GREB1: variants seen among roughly 807,000 people sequenced by gnomAD.
GREB1 encodes the protein protein GREB1.
GREB1 carries 106 observed loss-of-function variants against 200.7 expected under a neutral mutation model. That is an observed-to-expected ratio of 0.53 (90% CI 0.45 to 0.62). The LOEUF is 0.62. Ranked by LOEUF, GREB1 falls within the 20% of genes least tolerant of loss-of-function variation. GREB1 has a pLI of 0.00. For synonymous variants in GREB1, 1,132 were observed against 1,092.4 expected (o/e 1.04, Z -0.72); for missense variants, 2,243 against 2,556.8 (o/e 0.88, Z 2.65).
intron 10 of GREB1, among the ~76,000 whole-genome samples, chr2:11,590,924 G>C (rs1219476582): frequency 6.6e-6 from 1 of 152,220 alleles, no homozygotes; most frequent in Non-Finnish European, 1.5e-5. Context: ...GGAGTTGAGT[G>C]GAGGGAAGAC....
In GREB1 at chr2:11,549,239, C is replaced by CT. The variant is rs532520054; in HGVS notation, c.-161-7208dup. Among the ~76,000 whole-genome samples the CT allele has an allele frequency of 7.9e-5, 12 of 152,160 alleles. No individual in the cohort carries two copies. The South Asian group carries it at 8.3e-4, about 11-fold the overall frequency. On this transcript the variant is annotated intron_variant, in intron 1 of 32. Transcript: ENST00000381486. ...CCTCATGGATTGATCTTCCAGTTGTCTTTTTTTCCCCCATGAACCCCCAAA... is the reference window on the plus strand; with the variant it reads ...CCTCATGGATTGATCTTCCAGTTGTCTTTTTTTTCCCCCATGAACCCCCAAA...
At chr2:11,496,061 C>G (rs73917229) in intron 1 of GREB1, among the ~76,000 whole-genome samples, 2 of 152,140 alleles carry the variant, frequency 1.3e-5, no homozygotes, top group East Asian at 1.9e-4. Context: ...GAAGCTGGCT[C>G]TCCTTATCCG....
rs374687126 is a variant in GREB1 at position 11,593,023 on chromosome 2, G to A, written c.1593G>A (p.Glu531=). The A allele has an allele frequency of 3.7e-6, 6 of 1,613,300 alleles. No individual in the cohort carries two copies. The highest frequency in any genetic ancestry group is 3.4e-6 in the Non-Finnish European group (4 of 1,179,766). Residue 531 remains glutamate, a synonymous_variant, in exon 11 of 33, where the codon GAG becomes GAA. Coordinates refer to ENST00000381486, the MANE Select transcript of GREB1 (RefSeq NM_014668.4). ...CAYSLAEGLS[E]MFRLLVEGKL... ...ACTCCCTGGCCGAGGGCCTCTCCGA[G>A]ATGTTCCGGCTGTTGGTCGAGGGCA... is the stretch of plus-strand genomic sequence containing the variant.
intron 4 of GREB1, among the ~76,000 whole-genome samples, chr2:11,571,430 A>G (rs111279425): frequency 1.7e-3 from 265 of 152,294 alleles, no homozygotes; most frequent in African/African-American, 5.9e-3. Flanking sequence ...AGCCAGTCCC[A>G]TCTTGGCAGA....
At chr2:11,587,493 GC>G in intron 9 of GREB1, 1 of 1,603,168 alleles carries the variant, frequency 6.2e-7, no homozygotes, top group Non-Finnish European at 8.5e-7. Flanking sequence ...TCAGAATCAG[GC>G]CCCACTTCTG....
chr2:11,537,761 TATAA>T (rs1194775616), intron 1 of GREB1, among the ~76,000 whole-genome samples: 1 of 147,974 alleles, frequency 6.8e-6, no homozygotes, highest in Admixed American at 6.8e-5. Context: ...TTTATATATT[TATAA>T]ATAAAATATA....
upstream of GREB1, among the ~76,000 whole-genome samples, chr2:11,531,059 T>G (rs1674055756): frequency 6.6e-6 from 1 of 152,116 alleles, no homozygotes; most frequent in Admixed American, 6.5e-5. Context: ...CCTAGGTAGG[T>G]GGGCCTGTTT....
At chr2:11,484,344 A>G (rs1052280924) in intron 1 of GREB1, among the ~76,000 whole-genome samples, 10 of 152,290 alleles carry the variant, frequency 6.6e-5, no homozygotes, top group African/African-American at 2.4e-4. Flanking sequence ...TTTCATGCCA[A>G]AATCTGGTTC....
chr2:11,587,523 G>A, intron 9 of GREB1: 3 of 1,562,606 alleles, frequency 1.9e-6, no homozygotes, highest in South Asian at 2.3e-5. Context: ...GCCCTGGGTG[G>A]CACCAGCAAG....
At chr2:11,484,695 G>T (rs1464834977) in intron 1 of GREB1, among the ~76,000 whole-genome samples, 1 of 152,140 alleles carries the variant, frequency 6.6e-6, no homozygotes, top group African/African-American at 2.4e-5. Flanking sequence ...AGCTGGGAGG[G>T]TCTCTTGAGC....
At chr2:11,576,166 G>T (rs188832000) in intron 4 of GREB1, among the ~76,000 whole-genome samples, 187 bp from the exon 5 acceptor site, 7 of 152,210 alleles carry the variant, frequency 4.6e-5, no homozygotes, top group Admixed American at 2.0e-4. Flanking sequence ...AATCAGCTAG[G>T]CACGGTGGCA....
chr2:11,536,136 C>G (rs1321354294), intron 1 of GREB1, among the ~76,000 whole-genome samples: 1 of 152,124 alleles, frequency 6.6e-6, no homozygotes, highest in African/African-American at 2.4e-5. Flanking sequence ...GGTGGGGACA[C>G]AAAGAGAATG....
At position 11,630,515 on chromosome 2, in the gene GREB1, G is replaced by A. The variant is rs58374323; in HGVS notation, c.4611+406G>A. ...AATGCTCTGCCAGGTAACATTTTGCGTAGGCTTAGGTAGATAGGACAGCAC... is the reference window on the plus strand; with the variant it reads ...AATGCTCTGCCAGGTAACATTTTGCATAGGCTTAGGTAGATAGGACAGCAC... On this transcript the variant is annotated intron_variant, in intron 26 of 32. Coordinates refer to ENST00000381486, the MANE Select transcript of GREB1 (RefSeq NM_014668.4). Among the ~76,000 whole-genome samples, 525 of 152,162 alleles carry A rather than the reference G, an allele frequency of 3.5e-3. 4 individuals carry two copies. The highest frequency in any genetic ancestry group is 0.012 in the African/African-American group (485 of 41,486).
chr2:11,626,071 C>T (rs1447527344), intron 24 of GREB1, among the ~76,000 whole-genome samples: 2 of 152,136 alleles, frequency 1.3e-5, no homozygotes, highest in African/African-American at 4.8e-5. Flanking sequence ...TATCTCCCAT[C>T]AGGTCCCTCC....
intron 18 of GREB1, among the ~76,000 whole-genome samples, 188 bp downstream of exon 18, chr2:11,611,215 C>T (rs990809352): frequency 2.0e-5 from 3 of 152,142 alleles, no homozygotes; most frequent in African/African-American, 7.2e-5. Context: ...CACCCCCACA[C>T]CCCTGCAGCA....
Position 11,618,915 on chromosome 2 carries a change from C to A in GREB1, c.4040C>A (p.Pro1347His). ...HPRRLLLSGP[P>H]QIGKTGAYLQ... ...CGCAGGCTGCTGCTCAGCGGCCCCC[C>A]TCAGGTGAGTGTTGCTCGCTGCCCC... The change falls in exon 22 of 33, where the codon CCT becomes CAT. Residue 1347 changes from proline to histidine, a missense_variant. Pro to His is a moderately conservative substitution (Grantham distance 77). Transcript: ENST00000381486. The A allele has an allele frequency of 6.6e-7, 1 of 1,513,946 alleles. No individual in the cohort carries two copies. 93.8% of individuals were successfully genotyped at this position (1,513,946 alleles called of 1,614,324 possible).
chr2:11,512,073 T>C (rs1239602297), intron 1 of GREB1, among the ~76,000 whole-genome samples: 2 of 152,208 alleles, frequency 1.3e-5, no homozygotes, highest in Non-Finnish European at 2.9e-5. Context: ...TGGAGTTATA[T>C]TCAGAAACAG....
intron 4 of GREB1, among the ~76,000 whole-genome samples, chr2:11,574,925 C>G (rs894892139): frequency 2.6e-5 from 4 of 152,250 alleles, no homozygotes; most frequent in East Asian, 1.9e-4. Context: ...TATCCTGTAA[C>G]TGTCCTATGG....
chr2:11,618,943 C>T (rs1156873649), intron 22 of GREB1, 24 bp downstream of exon 22: 15 of 1,468,622 alleles, frequency 1.0e-5, no homozygotes, highest in Non-Finnish European at 1.3e-5. Flanking sequence ...GCTGCCCCAG[C>T]ACAGCCCCGG....
Sources: allele counts gnomAD v4.1 joint callset (sites outside exome capture counted in the v4.1 genomes callset), GRCh38; gene constraint gnomAD v4.1.1; transcripts MANE v1.5; gene names NCBI Gene and HGNC (gene_info 2026-07-23, HGNC 2026-07-21).